Variants in IGFL2 observed in about 807,000 individuals in gnomAD.
The protein encoded by IGFL2 is insulin growth factor-like family member 2.
IGFL2 carries 7 observed loss-of-function variants against 13.9 expected under a neutral mutation model. That is an observed-to-expected ratio of 0.51 (90% CI 0.29 to 0.95). The LOEUF (loss-of-function observed/expected upper bound fraction) is 0.95, where lower values mean the gene tolerates loss of function less well. IGFL2 is among the 40% of genes least tolerant of loss of function. The probability of loss-of-function intolerance (pLI) is 0.08; values close to 1 mark genes in which losing one functional copy is unlikely to be tolerated. For synonymous variants in IGFL2, 55 were observed against 55.8 expected (o/e 0.99, Z 0.07); for missense variants, 138 against 147.8 (o/e 0.93, Z 0.34).
chr19:46,161,398 C>G (rs1974164554), downstream of IGFL2: 2 of 268,564 alleles, frequency 7.4e-6, no homozygotes, highest in Non-Finnish European at 7.0e-6. Context: ...AGATTGAACT[C>G]AGTTCTGCTG....
intron 1 of IGFL2, among the ~76,000 whole-genome samples, chr19:46,155,574 C>A: frequency 6.6e-6 from 1 of 152,046 alleles, no homozygotes; most frequent in Admixed American, 6.5e-5. Flanking sequence ...GTTGTTTTGC[C>A]GGGAGGAAGG....
At chr19:46,144,004 T>TG (rs1972987471), upstream of IGFL2, among the ~76,000 whole-genome samples, 1 of 152,254 alleles carries the variant, frequency 6.6e-6, no homozygotes, top group Admixed American at 6.5e-5. Context: ...GTCAGGCCTC[T>TG]GCTCAGAAAA....
the IGFL2 span, among the ~76,000 whole-genome samples, chr19:46,136,400 G>C: frequency 6.6e-6 from 1 of 152,060 alleles, no homozygotes; most frequent in Admixed American, 6.6e-5. Context: ...TTCCACATGG[G>C]AATGAAAAGA....
the IGFL2 span, among the ~76,000 whole-genome samples, chr19:46,132,246 C>T: frequency 2.6e-5 from 4 of 152,122 alleles, no homozygotes; most frequent in Admixed American, 1.3e-4. Context: ...GACCTTGCTC[C>T]CTGTGGCATA....
chr19:46,153,366 A>G (rs1346161697), intron 1 of IGFL2, among the ~76,000 whole-genome samples: 2 of 152,140 alleles, frequency 1.3e-5, no homozygotes, highest in Non-Finnish European at 1.5e-5. Flanking sequence ...GATAAAAGCC[A>G]TTTTAACTGA....
chr19:46,187,559 G>T, the IGFL2 span, among the ~76,000 whole-genome samples: 2 of 120,432 alleles, frequency 1.7e-5, no homozygotes, highest in African/African-American at 6.8e-5. Flanking sequence ...ACCTGAGGTT[G>T]TGCTGCTGGT....
the IGFL2 span, chr19:46,209,673 G>C: frequency 6.6e-6 from 1 of 151,792 alleles, no homozygotes; most frequent in Non-Finnish European, 1.5e-5. Context: ...GCTTCCCTCA[G>C]GGGAGTGGCT....
chr19:46,141,592 G>A (rs1220292662), upstream of IGFL2, among the ~76,000 whole-genome samples: 1 of 152,092 alleles, frequency 6.6e-6, no homozygotes, highest in African/African-American at 2.4e-5. Flanking sequence ...CTGTCATCCA[G>A]CTGAACAGCC....
At chr19:46,101,197 T>G in the IGFL2 span, 1 of 152,412 alleles carries the variant, frequency 6.6e-6, no homozygotes, top group Non-Finnish European at 1.5e-5. Flanking sequence ...TCTCACCCAG[T>G]CGCGGGGCAC....
chr19:46,091,950 A>G, the IGFL2 span, among the ~76,000 whole-genome samples: 1 of 152,234 alleles, frequency 6.6e-6, no homozygotes, highest in East Asian at 1.9e-4. Context: ...ATCTATAAAA[A>G]TGCAATGCAT....
chr19:46,131,161 G>C, the IGFL2 span, among the ~76,000 whole-genome samples: 1 of 152,128 alleles, frequency 6.6e-6, no homozygotes, highest in Non-Finnish European at 1.5e-5. Flanking sequence ...TTGTTGACTA[G>C]TTTCATCCCT....
chr19:46,128,677 G>C, the IGFL2 span, among the ~76,000 whole-genome samples: 5 of 152,150 alleles, frequency 3.3e-5, no homozygotes, highest in Admixed American at 1.3e-4. Context: ...AACCAACCTT[G>C]CATCCCAGGA....
chr19:46,154,334 A>C (rs1973688066), intron 1 of IGFL2, among the ~76,000 whole-genome samples: 1 of 152,128 alleles, frequency 6.6e-6, no homozygotes, highest in African/African-American at 2.4e-5. Flanking sequence ...TGCCAAGACA[A>C]AGTGTTGCCA....
At chr19:46,114,989 G>C in the IGFL2 span, among the ~76,000 whole-genome samples, 1 of 152,122 alleles carries the variant, frequency 6.6e-6, no homozygotes, top group African/African-American at 2.4e-5. Context: ...TTGAGGACCA[G>C]TGTCCTAGAA....
the IGFL2 span, among the ~76,000 whole-genome samples, chr19:46,110,763 C>G: frequency 0.013 from 2,037 of 152,194 alleles, 53 homozygotes; most frequent in African/African-American, 0.046. Context: ...TGATTTTTGT[C>G]TTCATTAGAA....
the IGFL2 span, among the ~76,000 whole-genome samples, chr19:46,167,384 C>T: frequency 6.6e-6 from 1 of 152,310 alleles, no homozygotes; most frequent in South Asian, 2.1e-4. Context: ...AGGGTCGGAG[C>T]CTGGCTCCGT....
At chr19:46,190,603 A>G in the IGFL2 span, among the ~76,000 whole-genome samples, 18 of 152,180 alleles carry the variant, frequency 1.2e-4, no homozygotes, top group African/African-American at 3.9e-4. Flanking sequence ...ATGAGGAAGG[A>G]GAGATAATCA....
At chr19:46,122,262 C>G in the IGFL2 span, among the ~76,000 whole-genome samples, 247 of 151,100 alleles carry the variant, frequency 1.6e-3, 8 homozygotes, top group Non-Finnish European at 2.4e-3. Flanking sequence ...CACAAAACAT[C>G]TTTAGCCAGG....
chr19:46,207,999 G>A, the IGFL2 span: 3 of 152,288 alleles, frequency 2.0e-5, no homozygotes, highest in South Asian at 2.1e-4. Flanking sequence ...TTCAGCCACC[G>A]CATCTTGGGC....
Sources: gnomAD v4.1 joint callset for allele counts (sites outside exome capture counted in the v4.1 genomes callset) on GRCh38, gnomAD v4.1.1 for gene constraint, MANE v1.5 for transcripts, NCBI Gene and HGNC (gene_info 2026-07-23, HGNC 2026-07-21) for gene names.